Variants in GATAD1 observed in about 807,000 individuals in gnomAD.
GATAD1 encodes the protein GATA zinc finger domain containing 1.
In GATAD1, 12 loss-of-function variants were observed where a neutral mutation model predicts 26.5. The observed-to-expected ratio is 0.45, with a 90% CI of 0.29 to 0.73. GATAD1 has a LOEUF of 0.73. Ranked by LOEUF, GATAD1 falls within the 30% of genes least tolerant of loss-of-function variation. The pLI, the probability that GATAD1 is intolerant of heterozygous loss-of-function variation, is 0.10. For missense variants in GATAD1, 266 were observed against 342.1 expected (o/e 0.78, Z 1.75); for synonymous variants, 129 against 133.1 (o/e 0.97, Z 0.21).
chr7:92,455,194 T>C (rs145498455), intron 4 of GATAD1, among the ~76,000 whole-genome samples: 132 of 152,234 alleles, frequency 8.7e-4, no homozygotes, highest in African/African-American at 3.2e-3. Flanking sequence ...ATAGAAAATA[T>C]GAGGCATTTT....
the GATAD1 span, among the ~76,000 whole-genome samples, chr7:92,488,466 C>T: frequency 6.6e-6 from 1 of 152,102 alleles, no homozygotes; most frequent in Non-Finnish European, 1.5e-5. Flanking sequence ...AATCATTGAC[C>T]TAGAATGGTT....
the GATAD1 span, among the ~76,000 whole-genome samples, chr7:92,478,842 C>A: frequency 4.6e-5 from 7 of 152,230 alleles, no homozygotes; most frequent in African/African-American, 1.7e-4. Flanking sequence ...CCACCCTCTT[C>A]TTGTCAGCAC....
downstream of GATAD1, among the ~76,000 whole-genome samples, chr7:92,463,578 G>A (rs1789998192): frequency 6.6e-6 from 1 of 151,874 alleles, no homozygotes; most frequent in South Asian, 2.1e-4. Context: ...GCAGGAGAAT[G>A]GTGTGACCTG....
chr7:92,477,142 C>T, the GATAD1 span, among the ~76,000 whole-genome samples: 1 of 152,120 alleles, frequency 6.6e-6, no homozygotes, highest in South Asian at 2.1e-4. Context: ...TGCCTCTAGT[C>T]GGCCCTCGGC....
chr7:92,477,255 A>AC, the GATAD1 span: 1 of 152,468 alleles, frequency 6.6e-6, no homozygotes, highest in African/African-American at 2.4e-5. Context: ...ATAGCCTCAC[A>AC]CCTGAGTCTT....
intron 2 of GATAD1, 73 bp from the exon 3 acceptor site, chr7:92,450,628 C>T (rs1789385793): frequency 1.1e-6 from 1 of 936,598 alleles, no homozygotes; most frequent in East Asian, 2.4e-5. Flanking sequence ...TTGCAGAACT[C>T]TCATAGGGCT....
chr7:92,483,608 G>C, the GATAD1 span, among the ~76,000 whole-genome samples: 3 of 152,256 alleles, frequency 2.0e-5, no homozygotes, highest in African/African-American at 7.2e-5. Context: ...CCATGAACTG[G>C]CTGGGTTTTT....
intron 3 of GATAD1, chr7:92,454,024 T>G (rs190558643): frequency 1.7e-5 from 3 of 178,024 alleles, no homozygotes; most frequent in East Asian, 3.7e-4. Flanking sequence ...TGAACTCTGG[T>G]CTTTGATGAT....
At chr7:92,484,377 TG>T in the GATAD1 span, among the ~76,000 whole-genome samples, 2 of 152,010 alleles carry the variant, frequency 1.3e-5, no homozygotes, top group Non-Finnish European at 2.9e-5. Flanking sequence ...AGGCGTCCCC[TG>T]CTTTTGCAGT....
chr7:92,489,588 AG>A, the GATAD1 span: 20 of 1,019,388 alleles, frequency 2.0e-5, no homozygotes, highest in Non-Finnish European at 1.5e-6. Context: ...ACCATGACTG[AG>A]TTAATGTGTT....
chr7:92,492,198 G>A, the GATAD1 span, among the ~76,000 whole-genome samples: 1 of 152,124 alleles, frequency 6.6e-6, no homozygotes, highest in African/African-American at 2.4e-5. Context: ...CCATGCTGGA[G>A]TGCAGTGGCA....
the GATAD1 span, among the ~76,000 whole-genome samples, chr7:92,488,226 G>A: frequency 2.0e-5 from 3 of 152,172 alleles, no homozygotes; most frequent in Admixed American, 2.0e-4. Context: ...TACCATAATA[G>A]GAAAACATAT....
At chr7:92,471,292 G>GCTAT in the GATAD1 span, 1 of 164,430 alleles carries the variant, frequency 6.1e-6, no homozygotes, top group African/African-American at 2.4e-5. Flanking sequence ...AAGGAGCTTG[G>GCTAT]CGATAAGGCA....
At chr7:92,449,578 CACTT>C in intron 2 of GATAD1, 1 of 977,416 alleles carries the variant, frequency 1.0e-6, no homozygotes, top group Non-Finnish European at 1.2e-6. Context: ...AGGAATGTTT[CACTT>C]ACCCGTAAAG....
the GATAD1 span, among the ~76,000 whole-genome samples, chr7:92,484,375 C>T: frequency 2.0e-3 from 299 of 152,068 alleles, 3 homozygotes; most frequent in Non-Finnish European, 1.9e-3. Flanking sequence ...GCAGGCGTCC[C>T]CTGCTTTTGC....
At chr7:92,461,194 G>A (rs1585179094), downstream of GATAD1, 1 of 152,278 alleles carries the variant, frequency 6.6e-6, no homozygotes, top group Non-Finnish European at 1.5e-5. Flanking sequence ...CTGTGGTAAA[G>A]GTCACCAGCT....
At chr7:92,485,347 GTTC>G in the GATAD1 span, among the ~76,000 whole-genome samples, 3 of 152,110 alleles carry the variant, frequency 2.0e-5, no homozygotes, top group Admixed American at 2.0e-4. Flanking sequence ...TATCATTTGT[GTTC>G]TTAAGACCAA....
intron 2 of GATAD1, chr7:92,449,369 A>G (rs1268884325): frequency 2.0e-6 from 2 of 978,254 alleles, no homozygotes; most frequent in Non-Finnish European, 2.4e-6. Flanking sequence ...TGAGTCAAAA[A>G]TTTTGCTAAG....
chr7:92,455,180 CTTTATAGAAAA>C (rs1789618097), intron 4 of GATAD1, among the ~76,000 whole-genome samples: 1 of 151,964 alleles, frequency 6.6e-6, no homozygotes. Flanking sequence ...AATTAGAGAG[CTTTATAGAAAA>C]TATGAGGCAT....
Sources: allele counts gnomAD v4.1 joint callset (sites outside exome capture counted in the v4.1 genomes callset), GRCh38; gene constraint gnomAD v4.1.1; transcripts MANE v1.5; gene names NCBI Gene and HGNC (gene_info 2026-07-23, HGNC 2026-07-21).